LARGE1: variants seen among roughly 807,000 people sequenced by gnomAD.
LARGE1 encodes the protein xylosyl- and glucuronyltransferase LARGE1.
LARGE1 carries 43 observed loss-of-function variants against 87.6 expected under a neutral mutation model. The observed-to-expected ratio is 0.49, with a 90% CI of 0.38 to 0.63. LARGE1 has a LOEUF of 0.63. Ranked by LOEUF, LARGE1 falls within the 30% of genes least tolerant of loss-of-function variation. LARGE1 has a pLI of 0.00. For synonymous variants in LARGE1, 434 were observed against 394.6 expected (o/e 1.10, Z -1.18); for missense variants, 802 against 1,000.2 (o/e 0.80, Z 2.67).
chr22:33,696,263 CTTTT>C (rs150714476), intron 2 of LARGE1, among the ~76,000 whole-genome samples: 22,116 of 60,468 alleles, frequency 0.37, 1,917 homozygotes, highest in Admixed American at 0.44. Context: ...TTCTTTCTTT[CTTTT>C]TTTTTTTTTT....
intron 11 of LARGE1, among the ~76,000 whole-genome samples, chr22:33,183,971 CT>C (rs1555880724): frequency 6.6e-6 from 1 of 151,634 alleles, no homozygotes; most frequent in Non-Finnish European, 1.5e-5. Context: ...GTATTGTTTA[CT>C]CAAAATTTGA....
intron 6 of LARGE1, among the ~76,000 whole-genome samples, chr22:33,485,544 A>C (rs932778965): frequency 2.0e-5 from 3 of 152,234 alleles, no homozygotes; most frequent in African/African-American, 7.2e-5. Flanking sequence ...AATTTAGGAA[A>C]TAAAAATATG....
intron 11 of LARGE1, among the ~76,000 whole-genome samples, chr22:33,224,222 C>G (rs550164581): frequency 6.6e-6 from 1 of 151,760 alleles, no homozygotes; most frequent in Non-Finnish European, 1.5e-5. Context: ...GCCGAGATCG[C>G]GCCACTGCAC....
downstream of LARGE1, among the ~76,000 whole-genome samples, chr22:33,161,101 C>T (rs985082792): frequency 4.5e-4 from 68 of 152,234 alleles, no homozygotes; most frequent in African/African-American, 1.5e-3. Context: ...GACCTCTTCA[C>T]AGGGTGGCAG....
chr22:33,761,206 A>T (rs2084717209), intron 2 of LARGE1, among the ~76,000 whole-genome samples, 165 bp downstream of exon 2: 1 of 151,578 alleles, frequency 6.6e-6, no homozygotes, highest in Non-Finnish European at 1.5e-5. Context: ...TTCTCCTCAC[A>T]CTGTTGACTG....
intron 11 of LARGE1, among the ~76,000 whole-genome samples, chr22:33,184,758 C>G (rs1213140189): frequency 6.6e-6 from 1 of 152,018 alleles, no homozygotes; most frequent in African/African-American, 2.4e-5. Flanking sequence ...AAGACCTGAA[C>G]AGACATCTCA....
intron 3 of LARGE1, among the ~76,000 whole-genome samples, chr22:33,648,566 C>T (rs73400722): frequency 0.026 from 3,971 of 152,254 alleles, 161 homozygotes; most frequent in African/African-American, 0.091. Flanking sequence ...ATCAAATATG[C>T]CTTCACCAAG....
intron 1 of LARGE1, among the ~76,000 whole-genome samples, chr22:33,828,752 A>G (rs1286144648): frequency 6.6e-6 from 1 of 152,228 alleles, no homozygotes; most frequent in Non-Finnish European, 1.5e-5. Flanking sequence ...ATGCATGCAT[A>G]AACGGATGAA....
chr22:33,220,326 G>C (rs1925399033), intron 11 of LARGE1, among the ~76,000 whole-genome samples: 1 of 152,182 alleles, frequency 6.6e-6, no homozygotes, highest in African/African-American at 2.4e-5. Context: ...ATATATGTTT[G>C]CTGTTTTGTC....
intron 1 of LARGE1, among the ~76,000 whole-genome samples, chr22:33,840,243 C>T (rs953934060): frequency 1.3e-5 from 2 of 152,076 alleles, no homozygotes; most frequent in African/African-American, 4.8e-5. Flanking sequence ...AATGCACATC[C>T]CCTCACTGTA....
intron 11 of LARGE1, among the ~76,000 whole-genome samples, chr22:33,248,943 G>A (rs147493389): frequency 2.1e-4 from 32 of 152,300 alleles, no homozygotes; most frequent in African/African-American, 6.0e-4. Context: ...CACAGTTTAT[G>A]TATCCATTTA....
At chr22:33,655,286 C>A (rs1408228325) in intron 2 of LARGE1, among the ~76,000 whole-genome samples, 1 of 152,102 alleles carries the variant, frequency 6.6e-6, no homozygotes, top group African/African-American at 2.4e-5. Context: ...ATGAGTAGAA[C>A]AAAAATGCTG....
intron 6 of LARGE1, among the ~76,000 whole-genome samples, chr22:33,482,501 G>A (rs2069370963): frequency 6.6e-6 from 1 of 152,094 alleles, no homozygotes; most frequent in African/African-American, 2.4e-5. Flanking sequence ...TTAAAGGCAG[G>A]TCTCACTGCA....
At chr22:33,487,139 G>C (rs759225454) in intron 6 of LARGE1, among the ~76,000 whole-genome samples, 1 of 152,174 alleles carries the variant, frequency 6.6e-6, no homozygotes, top group Non-Finnish European at 1.5e-5. Context: ...ATGTGCTTCA[G>C]GGCAACAGTA....
chr22:33,586,704 G>A (rs904594900), intron 5 of LARGE1, among the ~76,000 whole-genome samples: 7 of 152,086 alleles, frequency 4.6e-5, no homozygotes, highest in South Asian at 2.1e-4. Flanking sequence ...TGATCCGTCC[G>A]CCTCAGCCTC....
chr22:33,263,879 T>C (rs1039815655), intron 11 of LARGE1, among the ~76,000 whole-genome samples: 2 of 152,244 alleles, frequency 1.3e-5, no homozygotes, highest in African/African-American at 2.4e-5. Flanking sequence ...AAGAACGAAC[T>C]CTGGGGTTGA....
chr22:33,619,630 T>G (rs2079684107), intron 4 of LARGE1, among the ~76,000 whole-genome samples: 1 of 151,586 alleles, frequency 6.6e-6, no homozygotes, highest in Non-Finnish European at 1.5e-5. Flanking sequence ...GTTGAGAAGC[T>G]CAGATTCTGA....
chr22:33,615,032 A>G (rs532916126), intron 4 of LARGE1, among the ~76,000 whole-genome samples: 8 of 152,312 alleles, frequency 5.3e-5, no homozygotes, highest in South Asian at 2.1e-4. Context: ...AGTTCTGAGG[A>G]GGCCATTCCA....
At chr22:33,592,107 G>T (rs1033604703) in intron 5 of LARGE1, among the ~76,000 whole-genome samples, 1 of 136,260 alleles carries the variant, frequency 7.3e-6, no homozygotes, top group African/African-American at 2.7e-5. Flanking sequence ...GGAGGGAAGG[G>T]GGACAGAGGG....
Sources: allele counts gnomAD v4.1 joint callset (sites outside exome capture counted in the v4.1 genomes callset), GRCh38; gene constraint gnomAD v4.1.1; transcripts MANE v1.5; gene names NCBI Gene and HGNC (gene_info 2026-07-23, HGNC 2026-07-21).